The following CLPX variants were observed in gnomAD, a reference collection of about 807,000 sequenced individuals.
CLPX encodes caseinolytic mitochondrial matrix peptidase chaperone subunit X.
A neutral mutation model predicts 76.4 loss-of-function variants in CLPX; 34 were observed. That is an observed-to-expected ratio of 0.45 (90% confidence interval 0.34 to 0.59). CLPX has a LOEUF of 0.59. CLPX is among the 20% of genes least tolerant of loss of function. CLPX has a pLI of 0.01. For synonymous variants in CLPX, 248 were observed against 270.9 expected, an observed-to-expected ratio of 0.92 and a Z score of 0.83; for missense variants, 613 against 757.0, an observed-to-expected ratio of 0.81 and a Z score of 2.23.
chr15:65,163,727 T>TC (rs892833484), intron 5 of CLPX, among the ~76,000 whole-genome samples: 2 of 151,814 alleles, frequency 1.3e-5, no homozygotes, highest in African/African-American at 4.8e-5. Context: ...CCTCAAGTGA[T>TC]CCCCCCGCCT....
intron 3 of CLPX, among the ~76,000 whole-genome samples, chr15:65,170,389 T>G (rs908903103): frequency 6.6e-6 from 1 of 152,084 alleles, no homozygotes; most frequent in Non-Finnish European, 1.5e-5. Flanking sequence ...ATCCACAGAT[T>G]ATAGGGAACA....
intron 3 of CLPX, among the ~76,000 whole-genome samples, chr15:65,171,962 A>G (rs909766052): frequency 7.9e-5 from 12 of 151,208 alleles, no homozygotes; most frequent in South Asian, 2.1e-4. Context: ...CTATTTTGGG[A>G]AAAAAAAATA....
chr15:65,151,021 A>C, intron 13 of CLPX, 108 bp from the exon 14 acceptor site: 1 of 688,450 alleles, frequency 1.5e-6, no homozygotes, highest in Non-Finnish European at 2.5e-6. Context: ...AAGCCACGAT[A>C]ATAGAAAATA....
chr15:65,165,379 T>A (rs2087897486), intron 4 of CLPX, among the ~76,000 whole-genome samples: 2 of 133,718 alleles, frequency 1.5e-5, no homozygotes, highest in South Asian at 5.4e-4. Flanking sequence ...GCCTGGATTT[T>A]TTTTTTTTTT....
In CLPX at chr15:65,169,991, C is replaced by T. The variant is rs201996336; in HGVS notation, c.359-3206G>A. Among the ~76,000 whole-genome samples, 3 of 152,012 alleles carry T rather than the reference C, an allele frequency of 2.0e-5. No homozygotes were observed. The East Asian group carries it at 5.9e-4, about 30-fold the overall frequency. On this transcript the variant is annotated intron_variant, in intron 3 of 13. Transcript: ENST00000300107. ...GGTCAGGCTGGTCTCAAATTCCTGA[C>T]CTCAGGTGATCCGCCTGCCTCAGCC...
chr15:65,171,333 G>A lies in CLPX; in HGVS notation c.359-4548C>T, dbSNP rs117276618. ...GTGTTGTCTTGTGCCTGTAATCCTA[G>A]CAACTGGGGAGGCTGAGGCACGAGA... On this transcript the variant is annotated intron_variant, in intron 3 of 13. Transcript: ENST00000300107. Among the ~76,000 whole-genome samples the A allele has an allele frequency of 2.6e-5, 4 of 151,930 alleles. No homozygotes were observed. In the East Asian group the frequency reaches 5.8e-4, roughly 22 times the overall value.
chr15:65,160,623 T>TCTCTCTCTCTCACACACACA (rs1219208926), intron 6 of CLPX, among the ~76,000 whole-genome samples: 86 of 101,020 alleles, frequency 8.5e-4, no homozygotes, highest in Middle Eastern at 5.4e-3. Flanking sequence ...TCTCTCTCTC[T>TCTCTCTCTCTCACACACACA]CACACACACA....
chr15:65,183,538 GGAAA>G (rs1223619375), intron 1 of CLPX, among the ~76,000 whole-genome samples: 1 of 145,740 alleles, frequency 6.9e-6, no homozygotes, highest in East Asian at 2.0e-4. Context: ...AAGACAGAAA[GGAAA>G]GAAAGACAGG....
chr15:65,165,559 A>AT (rs201811601), intron 4 of CLPX, among the ~76,000 whole-genome samples: 4 of 150,910 alleles, frequency 2.7e-5, no homozygotes, highest in African/African-American at 4.9e-5. Flanking sequence ...AATTTTTTGT[A>AT]TTTTTTTAGT....
intron 1 of CLPX, among the ~76,000 whole-genome samples, chr15:65,183,571 AG>A (rs2088211451): frequency 1.3e-5 from 2 of 151,864 alleles, no homozygotes; most frequent in Non-Finnish European, 2.9e-5. Context: ...AAAGGAAGGA[AG>A]GAAGGAAGGA....
rs778254090 is a variant in CLPX at position 65,180,116 on chromosome 15, G to A, written c.168C>T (p.Ser56=). 6.2e-6 allele frequency: 10 copies of A among 1,611,894 alleles called. No individual in the cohort carries two copies. In the East Asian group the frequency reaches 1.1e-4, roughly 18 times the overall value. The change falls in exon 2 of 14, where the codon TCC becomes TCT. Residue 56 remains serine (S), a synonymous_variant. Coordinates refer to ENST00000300107, the MANE Select transcript of CLPX (RefSeq NM_006660.5). ...TQILQRAPLR[S]FTETPAYFAS... ...CAAAGTATGCTGGTGTTTCTGTAAA[G>A]GATCTAAGAGGAGCTCTTTGCAGAA...
At position 65,158,758 on chromosome 15, in the gene CLPX, A is replaced by G. The variant is rs769732494; in HGVS notation, c.716-7T>C. On this transcript the variant is annotated splice_region_variant and splice_polypyrimidine_tract_variant and intron_variant, in intron 6 of 13. Transcript: ENST00000300107. ...CCAGCAATCTGAAGCAATTCTGAAA[A>G]AAATGCCAAAGGAATTACTTGAGCT... The G allele has an allele frequency of 1.1e-5, 17 of 1,562,820 alleles. No homozygotes were observed. The South Asian group carries it at 2.1e-4, about 19-fold the overall frequency.
At chr15:65,162,720 C>T (rs2087868660) in intron 5 of CLPX, 75 bp from the exon 6 acceptor site, 8 of 772,714 alleles carry the variant, frequency 1.0e-5, no homozygotes, top group Non-Finnish European at 1.7e-5. Context: ...ACCTCCTGTC[C>T]TCTTTCAAAT....
In CLPX at chr15:65,157,866, G is replaced by T; in HGVS notation, c.937C>A (p.Pro313Thr). ...AQTLAKCLDVPFAICDCTTLT... is the reference protein window; with the variant it reads ...AQTLAKCLDVTFAICDCTTLT... ...GTTGTACAGTCACAGATAGCAAAAG[G>T]GACATCAAGGCATTTAGCTAGGGTT... The change falls in exon 8 of 14, where the codon CCT becomes ACT. Residue 313 changes from proline (P) to threonine (T), a missense_variant. Transcript: ENST00000300107. The T allele has an allele frequency of 6.2e-7, 1 of 1,611,494 alleles. No individual in the cohort carries two copies. Among genetic ancestry groups the T allele is most frequent in the South Asian group, 1.1e-5 (1 of 90,638 alleles).
At chr15:65,156,726 TG>T in intron 9 of CLPX, 117 bp downstream of exon 9, 4 of 590,992 alleles carry the variant, frequency 6.8e-6, no homozygotes, top group Non-Finnish European at 5.9e-6. Flanking sequence ...ATGTGGAGTT[TG>T]GGGGCGGAAG....
At chr15:65,162,490 T>C (rs1459201814) in intron 6 of CLPX, 114 bp downstream of exon 6, 11 of 646,948 alleles carry the variant, frequency 1.7e-5, no homozygotes, top group Non-Finnish European at 3.0e-5. Context: ...CGTATCTTTC[T>C]TGGTAATACA....
At chr15:65,155,446 T>G (rs2087776225) in intron 10 of CLPX, among the ~76,000 whole-genome samples, 1 of 152,134 alleles carries the variant, frequency 6.6e-6, no homozygotes. Flanking sequence ...AGACAGGGTT[T>G]CATGTTGGCC....
chr15:65,158,749 A>G lies in CLPX; in HGVS notation c.718T>C (p.Leu240=). 6.4e-7 allele frequency: 1 copy of G among 1,567,798 alleles called. No homozygotes were observed. Among genetic ancestry groups the G allele is most frequent in the Non-Finnish European group, 8.6e-7 (1 of 1,157,400 alleles). The change falls in exon 7 of 14, where the codon TTG becomes CTG. Residue 240 remains leucine (L), a splice_region_variant and synonymous_variant. Transcript: ENST00000300107. The part of the protein sequence containing the change: ...RREDEYRFTK[L]LQIAGISPHG... Reference sequence around the variant, plus strand: ...GGGCTAATTCCAGCAATCTGAAGCAATTCTGAAAAAAATGCCAAAGGAATT... The same window carrying G: ...GGGCTAATTCCAGCAATCTGAAGCAGTTCTGAAAAAAATGCCAAAGGAATT...
intron 3 of CLPX, among the ~76,000 whole-genome samples, chr15:65,176,975 TAA>T (rs1193112953): frequency 2.0e-5 from 3 of 152,162 alleles, no homozygotes; most frequent in African/African-American, 7.2e-5. Flanking sequence ...GATTAAAATA[TAA>T]GACACTGACC....
Sources: allele counts gnomAD v4.1 joint callset (sites outside exome capture counted in the v4.1 genomes callset), GRCh38; gene constraint gnomAD v4.1.1; transcripts MANE v1.5; gene names NCBI Gene and HGNC (gene_info 2026-07-23, HGNC 2026-07-21).